The following TMEFF2 variants were observed in gnomAD, a reference collection of about 807,000 sequenced individuals.
TMEFF2 encodes transmembrane protein with EGF like and two follistatin like domains 2.
In TMEFF2, 28 loss-of-function variants were observed where a neutral mutation model predicts 53.8. The ratio of observed to expected loss-of-function variants is 0.52; its 90% CI spans 0.39 to 0.71. TMEFF2 has a LOEUF of 0.71. Ranked by LOEUF, TMEFF2 falls within the 30% of genes least tolerant of loss-of-function variation. The pLI, the probability that TMEFF2 is intolerant of heterozygous loss-of-function variation, is 0.00. For synonymous variants in TMEFF2, 162 were observed against 166.3 expected (o/e 0.97, Z 0.20); for missense variants, 353 against 455.2 (o/e 0.78, Z 2.04).
chr2:192,070,354 C>T (rs2356765), intron 4 of TMEFF2, among the ~76,000 whole-genome samples: 77,182 of 151,384 alleles, frequency 0.51, 19,910 homozygotes, highest in African/African-American at 0.58. Flanking sequence ...GGCTTCACTG[C>T]TGTTCATATA....
intron 5 of TMEFF2, among the ~76,000 whole-genome samples, chr2:192,051,231 T>G (rs533776180): frequency 8.5e-3 from 11 of 1,290 alleles, no homozygotes; most frequent in African/African-American, 8.8e-3. Context: ...TTTTTCTGGG[T>G]TTTTTTTTTT....
chr2:192,107,019 A>G (rs1689165414), intron 4 of TMEFF2, among the ~76,000 whole-genome samples: 1 of 151,732 alleles, frequency 6.6e-6, no homozygotes, highest in Non-Finnish European at 1.5e-5. Flanking sequence ...AAGGCAGAGT[A>G]AAATGTACGG....
intron 4 of TMEFF2, among the ~76,000 whole-genome samples, chr2:192,114,107 T>TGTGTGTGA (rs1319260635): frequency 1.4e-5 from 2 of 141,050 alleles, no homozygotes; most frequent in African/African-American, 5.3e-5. Flanking sequence ...TGTGTGTGTG[T>TGTGTGTGA]GATAGCCCTT....
At chr2:192,107,908 CT>C (rs1689187871) in intron 4 of TMEFF2, among the ~76,000 whole-genome samples, 1 of 151,356 alleles carries the variant, frequency 6.6e-6, no homozygotes. Flanking sequence ...ACAAAACTAT[CT>C]CTCTAATTCT....
intron 7 of TMEFF2, among the ~76,000 whole-genome samples, chr2:191,986,147 A>G (rs912518122): frequency 3.9e-5 from 6 of 152,206 alleles, no homozygotes; most frequent in Admixed American, 2.0e-4. Flanking sequence ...ATATATTTCT[A>G]TGAGCCAAGG....
intron 2 of TMEFF2, among the ~76,000 whole-genome samples, chr2:192,189,313 G>A (rs1691401503): frequency 6.6e-6 from 1 of 152,016 alleles, no homozygotes. Context: ...GGAGACCGAG[G>A]CGGGTGGATC....
intron 4 of TMEFF2, among the ~76,000 whole-genome samples, chr2:192,162,022 A>G (rs1690646315): frequency 6.6e-6 from 1 of 152,194 alleles, no homozygotes; most frequent in African/African-American, 2.4e-5. Flanking sequence ...ACCTTGAAGA[A>G]GAAAAAGGAA....
chr2:192,055,469 T>C (rs915000608), intron 5 of TMEFF2, among the ~76,000 whole-genome samples: 1 of 152,060 alleles, frequency 6.6e-6, no homozygotes, highest in Non-Finnish European at 1.5e-5. Context: ...CCCTAGGATG[T>C]TTTTTAAAAA....
chr2:191,982,972 A>G (rs1685888793), intron 7 of TMEFF2, among the ~76,000 whole-genome samples: 1 of 152,146 alleles, frequency 6.6e-6, no homozygotes, highest in Non-Finnish European at 1.5e-5. Flanking sequence ...TAGAAATGGG[A>G]GTCCGAAATG....
At chr2:192,184,205 A>G in intron 3 of TMEFF2, 149 bp downstream of exon 3, 1 of 1,040,416 alleles carries the variant, frequency 9.6e-7, no homozygotes, top group Non-Finnish European at 1.4e-6. Context: ...GACAAAGAAT[A>G]AGAATAACAA....
intron 8 of TMEFF2, 46 bp from the exon 9 acceptor site, chr2:191,953,883 ATTTTTT>A (rs563154787): frequency 1.0e-3 from 635 of 609,624 alleles, no homozygotes; most frequent in South Asian, 2.0e-3. Flanking sequence ...TGCTGCATTC[ATTTTTT>A]TTTTTTTTTT....
At chr2:192,082,326 G>A (rs982040712) in intron 4 of TMEFF2, among the ~76,000 whole-genome samples, 37 of 152,188 alleles carry the variant, frequency 2.4e-4, no homozygotes, top group Non-Finnish European at 3.5e-4. Context: ...AAGACCACAC[G>A]AGGCTTTAGG....
intron 4 of TMEFF2, among the ~76,000 whole-genome samples, chr2:192,068,598 T>C (rs1382017716): frequency 2.0e-5 from 3 of 151,882 alleles, no homozygotes; most frequent in African/African-American, 4.8e-5. Flanking sequence ...CACTGGACTT[T>C]GGATAAAAGA....
intron 4 of TMEFF2, among the ~76,000 whole-genome samples, chr2:192,118,068 A>AT (rs1221481280): frequency 6.6e-6 from 1 of 151,660 alleles, no homozygotes; most frequent in Non-Finnish European, 1.5e-5. Context: ...TAAAAAAAAA[A>AT]ATAGATTTGG....
intron 2 of TMEFF2, among the ~76,000 whole-genome samples, chr2:192,186,797 C>T (rs1482856001): frequency 6.6e-6 from 1 of 152,122 alleles, no homozygotes; most frequent in African/African-American, 2.4e-5. Context: ...ATTTATCCTT[C>T]TCAGATTACT....
rs1344409475 is a variant in TMEFF2, at chr2:192,093,580, A to C, written c.440-35805T>G. Among the ~76,000 whole-genome samples the C allele has an allele frequency of 2.0e-5, 3 of 152,162 alleles. No homozygotes were observed. In the East Asian group the frequency reaches 5.8e-4, roughly 29 times the overall value. ...CAAATCTGAATTCCAAGACTTCAAC[A>C]GCGTAAGATATTTCTATCCTCTTTC... On this transcript the variant is annotated intron_variant, in intron 4 of 9. Transcript: ENST00000272771.
chr2:191,958,818 G>T (rs1211655624), intron 7 of TMEFF2, among the ~76,000 whole-genome samples: 2 of 152,144 alleles, frequency 1.3e-5, no homozygotes, highest in Non-Finnish European at 2.9e-5. Context: ...TAGAAGAAAT[G>T]ATCTCTGGGC....
At chr2:192,125,092 AAAC>A (rs533038002) in intron 4 of TMEFF2, among the ~76,000 whole-genome samples, 2 of 152,194 alleles carry the variant, frequency 1.3e-5, no homozygotes, top group African/African-American at 2.4e-5. Flanking sequence ...TCCTCATCCC[AAAC>A]AACAACACTT....
intron 4 of TMEFF2, among the ~76,000 whole-genome samples, chr2:192,061,529 T>C (rs553156363): frequency 1.4e-4 from 21 of 152,262 alleles, no homozygotes; most frequent in Admixed American, 1.3e-3. Flanking sequence ...CATCAGGGAC[T>C]TGAGCATCCA....
Sources: gnomAD v4.1 joint callset for allele counts (sites outside exome capture counted in the v4.1 genomes callset) on GRCh38, gnomAD v4.1.1 for gene constraint, MANE v1.5 for transcripts, NCBI Gene and HGNC (gene_info 2026-07-23, HGNC 2026-07-21) for gene names.